Variants in CALN1 observed in about 807,000 individuals in gnomAD.
CALN1 encodes calneuron 1.
CALN1 carries 17 observed loss-of-function variants against 30.6 expected under a neutral mutation model. The ratio of observed to expected loss-of-function variants is 0.56; its 90% CI spans 0.38 to 0.83. The LOEUF is 0.83. CALN1 is among the 40% of genes least tolerant of loss of function. The pLI is 0.00. For synonymous variants in CALN1, 156 were observed against 131.4 expected, an observed-to-expected ratio of 1.19 and a Z score of -1.28; for missense variants, 291 against 354.9, an observed-to-expected ratio of 0.82 and a Z score of 1.45.
intron 5 of CALN1, among the ~76,000 whole-genome samples, chr7:71,856,439 C>T (rs114431962): frequency 0.035 from 5,370 of 151,996 alleles, 328 homozygotes; most frequent in African/African-American, 0.12. Flanking sequence ...CAGGTGTGCA[C>T]CACCACACCT....
chr7:71,991,052 G>A (rs1031667954), intron 5 of CALN1, among the ~76,000 whole-genome samples: 1 of 151,160 alleles, frequency 6.6e-6, no homozygotes, highest in Non-Finnish European at 1.5e-5. Flanking sequence ...ACAGTGAGGG[G>A]GGGGGTCGAC....
intron 6 of CALN1, among the ~76,000 whole-genome samples, chr7:71,788,756 C>T (rs896744546): frequency 6.6e-6 from 1 of 152,020 alleles, no homozygotes; most frequent in Non-Finnish European, 1.5e-5. Context: ...CTCCCAGGTT[C>T]ATGCCATTCT....
chr7:72,388,302 G>C (rs1012261282), intron 2 of CALN1, among the ~76,000 whole-genome samples: 5 of 152,022 alleles, frequency 3.3e-5, no homozygotes, highest in African/African-American at 1.2e-4. Context: ...ATCTTCCCAA[G>C]AGGTACTTCC....
rs1379273473 is a variant in CALN1 at position 72,268,796 on chromosome 7, C to CACACACAA, written c.244+9889_244+9890insTTGTGTGT. On this transcript the variant is annotated intron_variant, in intron 3 of 6. Coordinates refer to ENST00000395275, the MANE Select transcript of CALN1 (RefSeq NM_031468.4). ...TGGGCAACAGAGCAAGACCCTGCCA[C>CACACACAA]ACACACACACACACACACACACACA... Among the ~76,000 whole-genome samples the CACACACAA allele has an allele frequency of 3.1e-3, 427 of 139,284 alleles. 3 individuals carry two copies. Among genetic ancestry groups the CACACACAA allele is most frequent in the Middle Eastern group, 0.018 (5 of 272 alleles). 91.4% of individuals were successfully genotyped at this position (139,284 alleles called of 152,430 possible). A position where few individuals can be genotyped will look rare whatever the true frequency, so the allele number is the denominator to read the frequency against.
intron 5 of CALN1, among the ~76,000 whole-genome samples, chr7:71,960,029 G>C (rs1476340832): frequency 6.6e-6 from 1 of 151,716 alleles, no homozygotes; most frequent in Admixed American, 6.6e-5. Flanking sequence ...AGCTGCTCTA[G>C]AGACTGAGGG....
intron 3 of CALN1, among the ~76,000 whole-genome samples, chr7:72,125,310 C>T (rs528687018): frequency 5.7e-4 from 87 of 152,284 alleles, no homozygotes; most frequent in African/African-American, 1.9e-3. Context: ...CCACCACACC[C>T]GGCCCACCAT....
At chr7:72,267,812 G>C (rs1024934852) in intron 3 of CALN1, among the ~76,000 whole-genome samples, 6 of 152,186 alleles carry the variant, frequency 3.9e-5, no homozygotes, top group African/African-American at 1.4e-4. Context: ...TTTGAGATCA[G>C]CCTGGGCAAC....
intron 1 of CALN1, among the ~76,000 whole-genome samples, chr7:72,407,058 G>A (rs1395482330): frequency 6.6e-6 from 1 of 152,144 alleles, no homozygotes; most frequent in East Asian, 1.9e-4. Context: ...GTAGCCCTGG[G>A]TCTACGCTTT....
chr7:72,100,575 T>C (rs921672739), intron 4 of CALN1, among the ~76,000 whole-genome samples: 2 of 151,860 alleles, frequency 1.3e-5, no homozygotes, highest in African/African-American at 4.8e-5. Context: ...TCCCAGAACT[T>C]TGGGAGGCCG....
intron 2 of CALN1, among the ~76,000 whole-genome samples, chr7:72,354,494 C>A (rs904244175): frequency 2.0e-5 from 3 of 152,044 alleles, no homozygotes; most frequent in Non-Finnish European, 4.4e-5. Context: ...ATAGCCAAAA[C>A]CATTTTTTCA....
chr7:71,972,111 G>A (rs10282182), intron 5 of CALN1, among the ~76,000 whole-genome samples: 132 of 152,148 alleles, frequency 8.7e-4, no homozygotes, highest in African/African-American at 3.0e-3. Flanking sequence ...TAGTACCCAC[G>A]AATAGACAAG....
At position 72,245,650 on chromosome 7, in the gene CALN1, A is replaced by C. The variant is rs149092893; in HGVS notation, c.244+33036T>G. Among the ~76,000 whole-genome samples the C allele has an allele frequency of 5.2e-3, 780 of 151,398 alleles. 10 individuals are homozygous for C. Among genetic ancestry groups the C allele is most frequent in the African/African-American group, 0.018 (750 of 41,026 alleles). On this transcript the variant is annotated intron_variant, in intron 3 of 6. Transcript: ENST00000395275. Reference sequence around the variant, plus strand: ...AATAAATAAATAAATAAATAAATAAATAAATAAATAAAGTTGAGTAAAACA... The same window carrying C: ...AATAAATAAATAAATAAATAAATAACTAAATAAATAAAGTTGAGTAAAACA...
chr7:72,301,781 A>G (rs1799277688), intron 2 of CALN1, among the ~76,000 whole-genome samples: 1 of 152,132 alleles, frequency 6.6e-6, no homozygotes, highest in Admixed American at 6.6e-5. Flanking sequence ...CCACTGCTAT[A>G]AAAGAGTTTG....
At chr7:72,073,610 C>CCTTTCTTT (rs36117948) in intron 4 of CALN1, among the ~76,000 whole-genome samples, 123 of 151,124 alleles carry the variant, frequency 8.1e-4, no homozygotes, top group Non-Finnish European at 1.2e-3. Flanking sequence ...TGCATTTAGT[C>CCTTTCTTT]CTTTCTTTCT....
chr7:72,386,993 C>T (rs886507839), intron 2 of CALN1, among the ~76,000 whole-genome samples: 7 of 151,096 alleles, frequency 4.6e-5, no homozygotes, highest in Middle Eastern at 3.4e-3. Context: ...GCCTCAGTAG[C>T]AATACACAAG....
At chr7:72,248,059 A>T (rs180879152) in intron 3 of CALN1, among the ~76,000 whole-genome samples, 104 of 152,312 alleles carry the variant, frequency 6.8e-4, no homozygotes, top group African/African-American at 2.4e-3. Flanking sequence ...AGAAGTCCTG[A>T]AGTCAAGATA....
rs535093112 is a variant in CALN1, at chr7:72,303,855, C to G, written c.120-25045G>C. The stretch of plus-strand genomic sequence containing the variant: ...TGCCACTGTACTCTCATCTGGGTGA[C>G]AGAGCAAGACTCTGTCTCGAGAAAA... On this transcript the variant is annotated intron_variant, in intron 2 of 6. Transcript: ENST00000395275. 8.5e-5 allele frequency among the ~76,000 whole-genome samples: 13 copies of G among 152,232 alleles called. No homozygotes were observed. The South Asian group carries it at 2.3e-3, about 27-fold the overall frequency.
intron 2 of CALN1, among the ~76,000 whole-genome samples, chr7:72,377,256 C>CA (rs1388066016): frequency 6.6e-6 from 1 of 152,134 alleles, no homozygotes; most frequent in Non-Finnish European, 1.5e-5. Flanking sequence ...ATTGAGTCTG[C>CA]AGGTCAATTT....
At chr7:72,456,070 G>A in the CALN1 span, among the ~76,000 whole-genome samples, 1 of 152,118 alleles carries the variant, frequency 6.6e-6, no homozygotes, top group South Asian at 2.1e-4. Flanking sequence ...TGTAGTCCCA[G>A]CTACTCAGGA....
Sources: allele counts gnomAD v4.1 joint callset (sites outside exome capture counted in the v4.1 genomes callset), GRCh38; gene constraint gnomAD v4.1.1; transcripts MANE v1.5; gene names NCBI Gene and HGNC (gene_info 2026-07-23, HGNC 2026-07-21).